ASZ1: variants seen among roughly 807,000 people sequenced by gnomAD.
ASZ1 encodes ankyrin repeat, SAM and basic leucine zipper domain-containing protein 1.
Under a neutral mutation model 61.8 loss-of-function variants are expected in ASZ1, and 67 were observed. That is an observed-to-expected ratio of 1.08 (90% CI 0.89 to 1.33). The LOEUF (loss-of-function observed/expected upper bound fraction) is 1.33. Ranked by LOEUF, ASZ1 falls within the 40% of genes most tolerant of loss-of-function variation. ASZ1 has a pLI of 0.00. For synonymous variants in ASZ1, 193 were observed against 192.7 expected (o/e 1.00, Z -0.01); for missense variants, 577 against 554.5 (o/e 1.04, Z -0.41).
At chr7:117,405,020 C>T (rs1796755614) in intron 4 of ASZ1, among the ~76,000 whole-genome samples, 1 of 152,134 alleles carries the variant, frequency 6.6e-6, no homozygotes, top group Admixed American at 6.5e-5. Flanking sequence ...GTGTGCTGCC[C>T]TCTTTCAGGC....
At chr7:117,364,419 C>G (rs949314055) in intron 12 of ASZ1, among the ~76,000 whole-genome samples, 1 of 145,214 alleles carries the variant, frequency 6.9e-6, no homozygotes, top group African/African-American at 2.5e-5. Flanking sequence ...GACAGAGAGA[C>G]AGAGAGAGAG....
intron 8 of ASZ1, among the ~76,000 whole-genome samples, chr7:117,381,274 T>C (rs544206783): frequency 2.0e-5 from 3 of 152,176 alleles, no homozygotes; most frequent in South Asian, 2.1e-4. Flanking sequence ...AAAGTATAAA[T>C]ATAGCTAGTT....
chr7:117,395,856 A>G (rs1228962004), intron 4 of ASZ1, among the ~76,000 whole-genome samples: 2 of 152,222 alleles, frequency 1.3e-5, no homozygotes, highest in Non-Finnish European at 2.9e-5. Flanking sequence ...GTAAAGGGCA[A>G]GACAGTAAAT....
chr7:117,394,564 C>T (rs1421353953), intron 4 of ASZ1, among the ~76,000 whole-genome samples: 1 of 152,090 alleles, frequency 6.6e-6, no homozygotes, highest in African/African-American at 2.4e-5. Context: ...GTGATTCTTT[C>T]AATCCTACCA....
intron 4 of ASZ1, among the ~76,000 whole-genome samples, chr7:117,404,320 T>C (rs1271889486): frequency 2.0e-5 from 3 of 151,242 alleles, no homozygotes; most frequent in Non-Finnish European, 4.4e-5. Flanking sequence ...CAAACAGTAT[T>C]AGGCTGTCTT....
Position 117,401,850 on chromosome 7 carries a change from C to T in ASZ1, c.441-16041G>A, listed in dbSNP as rs566011432. On this transcript the variant is annotated intron_variant, in intron 4 of 12. Coordinates refer to ENST00000284629, the MANE Select transcript of ASZ1 (RefSeq NM_130768.3). Reference sequence around the variant, plus strand: ...TCCCGGATTCCTTAGCTTGGAAGCTCGAACACAAACACACATTCTACTTAG... The same window carrying T: ...TCCCGGATTCCTTAGCTTGGAAGCTTGAACACAAACACACATTCTACTTAG... 2.6e-5 allele frequency among the ~76,000 whole-genome samples: 4 copies of T among 152,132 alleles called. No homozygotes were observed. In the East Asian group the frequency reaches 5.8e-4, roughly 22 times the overall value.
intron 4 of ASZ1, among the ~76,000 whole-genome samples, chr7:117,391,715 T>A (rs1796472593): frequency 6.6e-6 from 1 of 152,186 alleles, no homozygotes; most frequent in African/African-American, 2.4e-5. Context: ...AGCTTGAAGT[T>A]AAGTAATGTG....
At chr7:117,385,649 T>C (rs1188807704) in intron 5 of ASZ1, 49 bp downstream of exon 5, 1 of 1,419,334 alleles carries the variant, frequency 7.0e-7, no homozygotes, top group Non-Finnish European at 9.8e-7. Context: ...TTTTGTAGAT[T>C]ACTGATAATA....
intron 10 of ASZ1, among the ~76,000 whole-genome samples, chr7:117,369,164 G>A (rs1384962814): frequency 6.6e-6 from 1 of 152,156 alleles, no homozygotes; most frequent in Non-Finnish European, 1.5e-5. Flanking sequence ...GAAGGAGGGA[G>A]TAGGGAATTA....
At chr7:117,369,490 G>C (rs1796009631) in intron 10 of ASZ1, among the ~76,000 whole-genome samples, 1 of 152,172 alleles carries the variant, frequency 6.6e-6, no homozygotes, top group Non-Finnish European at 1.5e-5. Context: ...TATTTGGAGA[G>C]TGGTGTGGAT....
Position 117,366,910 on chromosome 7 carries a change from A to G in ASZ1, c.1275+442T>C, listed in dbSNP as rs572716836. 7.2e-5 allele frequency among the ~76,000 whole-genome samples: 11 copies of G among 152,288 alleles called. No individual in the cohort carries two copies. In the South Asian group the frequency reaches 1.5e-3, roughly 20 times the overall value. ...TTCATTATTTTTTCAACTGCCTATT[A>G]TAACAATTGGTATAGCATAATTTAT... On this transcript the variant is annotated intron_variant, in intron 12 of 12. Coordinates refer to ENST00000284629, the MANE Select transcript of ASZ1 (RefSeq NM_130768.3).
intron 8 of ASZ1, 81 bp from the exon 9 acceptor site, chr7:117,381,148 T>C (rs754494220): frequency 1.1e-5 from 14 of 1,289,182 alleles, no homozygotes; most frequent in Non-Finnish European, 1.5e-5. Flanking sequence ...CATAAGTTAG[T>C]TACTTGCTTC....
At chr7:117,380,119 G>C in intron 9 of ASZ1, 72 bp from the exon 10 acceptor site, 1 of 979,894 alleles carries the variant, frequency 1.0e-6, no homozygotes, top group Non-Finnish European at 1.5e-6. Flanking sequence ...AATTGCTAAA[G>C]ATGTTTTCTT....
At chr7:117,399,656 T>C (rs979535049) in intron 4 of ASZ1, among the ~76,000 whole-genome samples, 1 of 151,586 alleles carries the variant, frequency 6.6e-6, no homozygotes. Flanking sequence ...GGCGAACCTA[T>C]AGAGTTATAA....
At position 117,367,455 on chromosome 7, in the gene ASZ1, T is replaced by C; in HGVS notation, c.1172A>G (p.Glu391Gly). 1 of 1,524,540 alleles carries C rather than the reference T, an allele frequency of 6.6e-7. No homozygotes were observed. Among genetic ancestry groups the C allele is most frequent in the Non-Finnish European group, 8.8e-7 (1 of 1,137,952 alleles). The allele number at this position is 1,524,540 out of a possible 1,614,324, so 94.4% of individuals were successfully genotyped here. ...AGTAAAATTCTGGGGAGAAGCCCAT[T>C]CCAGTGTTATCTGTTAATATTTTCA... ...LPVNSQKITLEWASPQNFTSV... is the reference protein window; with the variant it reads ...LPVNSQKITLGWASPQNFTSV... Residue 391 changes from glutamate to glycine, a missense_variant, in exon 12 of 13, where the codon GAA (glutamate) becomes GGA (glycine). Coordinates refer to ENST00000284629, the MANE Select transcript of ASZ1 (RefSeq NM_130768.3).
chr7:117,415,731 A>G (rs1213256332), intron 4 of ASZ1, among the ~76,000 whole-genome samples: 2 of 152,216 alleles, frequency 1.3e-5, no homozygotes, highest in African/African-American at 4.8e-5. Context: ...AAATGAAATT[A>G]AAGAATGAAA....
At chr7:117,421,529 T>C (rs1797100594) in intron 3 of ASZ1, among the ~76,000 whole-genome samples, 1 of 152,130 alleles carries the variant, frequency 6.6e-6, no homozygotes, top group South Asian at 2.1e-4. Flanking sequence ...CCAAGTGATA[T>C]TTTTAAATGA....
At chr7:117,385,992 G>A (rs1238845097) in intron 4 of ASZ1, among the ~76,000 whole-genome samples, 183 bp from the exon 5 acceptor site, 1 of 152,156 alleles carries the variant, frequency 6.6e-6, no homozygotes, top group African/African-American at 2.4e-5. Flanking sequence ...TGAAAGAGAT[G>A]ACACTTTTAA....
At chr7:117,398,729 T>G in intron 4 of ASZ1, among the ~76,000 whole-genome samples, 1 of 152,210 alleles carries the variant, frequency 6.6e-6, no homozygotes, top group East Asian at 1.9e-4. Context: ...CAGGTTACTA[T>G]CTAGCCTCTG....
Sources: allele counts gnomAD v4.1 joint callset (sites outside exome capture counted in the v4.1 genomes callset), GRCh38; gene constraint gnomAD v4.1.1; transcripts MANE v1.5; gene names NCBI Gene and HGNC (gene_info 2026-07-23, HGNC 2026-07-21).